DPP6: variants seen among roughly 807,000 people sequenced by gnomAD.
DPP6 encodes A-type potassium channel modulatory protein DPP6.
Under a neutral mutation model 122.6 loss-of-function variants are expected in DPP6, and 69 were observed. The observed-to-expected ratio is 0.56, with a 90% CI of 0.46 to 0.69. The LOEUF (loss-of-function observed/expected upper bound fraction) is 0.69, where lower values mean the gene tolerates loss of function less well. Ranked by LOEUF, DPP6 falls within the 30% of genes least tolerant of loss-of-function variation. The pLI is 0.00. For missense variants in DPP6, 928 were observed against 1,116.9 expected, an observed-to-expected ratio of 0.83 and a Z score of 2.41; for synonymous variants, 418 against 433.1, an observed-to-expected ratio of 0.97 and a Z score of 0.43.
chr7:154,288,952 T>C (rs1389691485), intron 1 of DPP6, among the ~76,000 whole-genome samples: 2 of 152,216 alleles, frequency 1.3e-5, no homozygotes, highest in South Asian at 2.1e-4. Context: ...CATCCTGAGA[T>C]TGACTAACTA....
At chr7:154,472,097 G>T (rs563874859) in intron 2 of DPP6, among the ~76,000 whole-genome samples, 1 of 152,256 alleles carries the variant, frequency 6.6e-6, no homozygotes, top group Admixed American at 6.5e-5. Context: ...GGAAGGAGGG[G>T]ATCAAATGCT....
chr7:154,841,205 C>T (rs1801501771), intron 16 of DPP6, among the ~76,000 whole-genome samples: 1 of 152,136 alleles, frequency 6.6e-6, no homozygotes, highest in Non-Finnish European at 1.5e-5. Flanking sequence ...TGGGGCCAGA[C>T]ACTCCATCCA....
intron 1 of DPP6, among the ~76,000 whole-genome samples, chr7:154,176,741 G>A (rs531232347): frequency 6.6e-6 from 1 of 152,318 alleles, no homozygotes; most frequent in Non-Finnish European, 1.5e-5. Context: ...GGCGACCCTC[G>A]GAAGAGTCGA....
At chr7:154,717,656 C>G (rs10276166) in intron 7 of DPP6, among the ~76,000 whole-genome samples, 67,061 of 152,082 alleles carry the variant, frequency 0.44, 16,011 homozygotes, top group South Asian at 0.57. Flanking sequence ...TCGATGGACA[C>G]TTGGGTTGAT....
chr7:154,576,770 C>T (rs1050834512), intron 5 of DPP6, among the ~76,000 whole-genome samples: 1 of 152,118 alleles, frequency 6.6e-6, no homozygotes, highest in Admixed American at 6.5e-5. Flanking sequence ...TCAGCACCCA[C>T]GACCTGCACG....
intron 1 of DPP6, among the ~76,000 whole-genome samples, chr7:154,337,525 A>G (rs1182094780): frequency 6.6e-6 from 1 of 152,206 alleles, no homozygotes; most frequent in Non-Finnish European, 1.5e-5. Context: ...TACCGGACTC[A>G]GTGGCAAATT....
intron 1 of DPP6, among the ~76,000 whole-genome samples, chr7:154,066,679 T>G (rs1449891194): frequency 6.6e-6 from 1 of 151,560 alleles, no homozygotes; most frequent in Admixed American, 6.6e-5. Flanking sequence ...CAAGGTCACC[T>G]TCCTGAACAG....
At chr7:154,739,334 A>G (rs1048859502) in intron 8 of DPP6, among the ~76,000 whole-genome samples, 17 of 152,172 alleles carry the variant, frequency 1.1e-4, no homozygotes, top group African/African-American at 4.1e-4. Flanking sequence ...AATTGTCTAG[A>G]GGGATGTTGG....
At chr7:153,818,811 G>C in the DPP6 span, among the ~76,000 whole-genome samples, 1 of 152,086 alleles carries the variant, frequency 6.6e-6, no homozygotes, top group Non-Finnish European at 1.5e-5. Flanking sequence ...GAGTCCAGTG[G>C]TGTGATCCCA....
At chr7:154,780,259 T>C (rs539842608) in intron 10 of DPP6, among the ~76,000 whole-genome samples, 2 of 152,358 alleles carry the variant, frequency 1.3e-5, no homozygotes, top group African/African-American at 4.8e-5. Context: ...AAAGTTCCTG[T>C]TGATCATGGG....
chr7:153,821,281 T>A, the DPP6 span, among the ~76,000 whole-genome samples: 24 of 150,690 alleles, frequency 1.6e-4, no homozygotes, highest in African/African-American at 5.8e-4. Context: ...AATATTCATA[T>A]TTTTAAGAGG....
intron 1 of DPP6, among the ~76,000 whole-genome samples, chr7:154,045,777 T>G (rs2533755): frequency 6.6e-6 from 1 of 152,236 alleles, no homozygotes; most frequent in Non-Finnish European, 1.5e-5. Context: ...GTCGGATAAT[T>G]TGTAGTATCA....
At chr7:154,133,525 A>G (rs1795393436) in intron 1 of DPP6, among the ~76,000 whole-genome samples, 1 of 152,216 alleles carries the variant, frequency 6.6e-6, no homozygotes, top group Non-Finnish European at 1.5e-5. Flanking sequence ...ACAGGATGAC[A>G]TTAGTTAGGC....
chr7:154,717,900 C>T (rs2131330086), intron 7 of DPP6, among the ~76,000 whole-genome samples: 1 of 152,284 alleles, frequency 6.6e-6, no homozygotes, highest in Non-Finnish European at 1.5e-5. Context: ...TATCCATATC[C>T]TCACCAGCAT....
At chr7:154,165,890 C>T (rs1360378862) in intron 1 of DPP6, among the ~76,000 whole-genome samples, 2 of 152,172 alleles carry the variant, frequency 1.3e-5, no homozygotes, top group Non-Finnish European at 2.9e-5. Flanking sequence ...AACTTCTAAA[C>T]ATAAATTGTG....
chr7:154,325,891 T>A (rs1358781905), intron 1 of DPP6, among the ~76,000 whole-genome samples: 2 of 152,208 alleles, frequency 1.3e-5, no homozygotes, highest in African/African-American at 4.8e-5. Flanking sequence ...CTTACTTTTT[T>A]GGAGGTTTTG....
At chr7:154,317,626 T>C (rs912093812) in intron 1 of DPP6, among the ~76,000 whole-genome samples, 7 of 152,210 alleles carry the variant, frequency 4.6e-5, no homozygotes, top group Non-Finnish European at 4.4e-5. Flanking sequence ...TTTGTACTTA[T>C]TGAAATCTAA....
At chr7:154,178,356 C>T (rs1035025276) in intron 1 of DPP6, among the ~76,000 whole-genome samples, 3 of 151,954 alleles carry the variant, frequency 2.0e-5, no homozygotes, top group Non-Finnish European at 4.4e-5. Flanking sequence ...TGCTTTCATG[C>T]TGACCATCTT....
intron 5 of DPP6, among the ~76,000 whole-genome samples, chr7:154,631,851 A>C (rs1163042370): frequency 2.0e-5 from 3 of 152,202 alleles, no homozygotes; most frequent in Non-Finnish European, 4.4e-5. Context: ...GTTAAAGTTC[A>C]ACAAGAAGCA....
Sources: allele counts gnomAD v4.1 joint callset (sites outside exome capture counted in the v4.1 genomes callset), GRCh38; gene constraint gnomAD v4.1.1; transcripts MANE v1.5; gene names NCBI Gene and HGNC (gene_info 2026-07-23, HGNC 2026-07-21).